LRRC4C: variants seen among roughly 807,000 people sequenced by gnomAD.
The protein encoded by LRRC4C is leucine-rich repeat-containing protein 4C.
In LRRC4C, 5 loss-of-function variants were observed where a neutral mutation model predicts 33.6. That is an observed-to-expected ratio of 0.15 (90% confidence interval 0.08 to 0.31). The LOEUF is 0.31. Among genes scored for constraint, LRRC4C ranks in the 10% least tolerant of loss-of-function variants. The pLI is 1.00. For synonymous variants in LRRC4C, 329 were observed against 302.0 expected (o/e 1.09, Z -0.93); for missense variants, 560 against 796.7 (o/e 0.70, Z 3.58).
At chr11:40,651,150 C>T (rs1040467380) in intron 2 of LRRC4C, among the ~76,000 whole-genome samples, 4 of 152,168 alleles carry the variant, frequency 2.6e-5, no homozygotes, top group Admixed American at 6.5e-5. Flanking sequence ...GCAGAGGTAT[C>T]CCCTTGCCAC....
chr11:40,744,129 A>G (rs2136928835), intron 2 of LRRC4C, among the ~76,000 whole-genome samples: 1 of 152,282 alleles, frequency 6.6e-6, no homozygotes, highest in African/African-American at 2.4e-5. Context: ...TATGGAAGGA[A>G]ACACAACAGA....
At chr11:40,832,699 C>T (rs1016508185) in intron 2 of LRRC4C, among the ~76,000 whole-genome samples, 1 of 152,024 alleles carries the variant, frequency 6.6e-6, no homozygotes, top group African/African-American at 2.4e-5. Flanking sequence ...TGATTGGATA[C>T]ATTTATTATT....
intron 3 of LRRC4C, among the ~76,000 whole-genome samples, chr11:40,418,982 TA>T (rs559011182): frequency 6.6e-5 from 10 of 151,988 alleles, no homozygotes; most frequent in South Asian, 4.2e-4. Context: ...GGTCGGGGGA[TA>T]GGGGGAGGGA....
At chr11:41,436,029 C>T (rs1427609006) in intron 1 of LRRC4C, among the ~76,000 whole-genome samples, 1 of 152,022 alleles carries the variant, frequency 6.6e-6, no homozygotes, top group Non-Finnish European at 1.5e-5. Context: ...TATGGTGAAA[C>T]CTTGTCTGTA....
chr11:40,518,515 T>C (rs1041264841), intron 3 of LRRC4C, among the ~76,000 whole-genome samples: 1 of 152,092 alleles, frequency 6.6e-6, no homozygotes, highest in Admixed American at 6.6e-5. Flanking sequence ...AGCTCATCAG[T>C]AGTCATTAGA....
intron 3 of LRRC4C, among the ~76,000 whole-genome samples, chr11:40,393,644 A>T (rs969288695): frequency 6.6e-6 from 1 of 152,174 alleles, no homozygotes; most frequent in Non-Finnish European, 1.5e-5. Flanking sequence ...AGCAACAAAA[A>T]CAACTCCCAA....
At chr11:40,888,165 G>GT (rs2136083321) in intron 2 of LRRC4C, among the ~76,000 whole-genome samples, 1 of 151,870 alleles carries the variant, frequency 6.6e-6, no homozygotes, top group South Asian at 2.1e-4. Context: ...CTGAAACATT[G>GT]TAAGTACATG....
rs540300625 is a variant in LRRC4C at position 41,012,043 on chromosome 11, A to G, written c.-495-78320T>C. Among the ~76,000 whole-genome samples the G allele has an allele frequency of 2.1e-4, 32 of 151,430 alleles. No individual in the cohort carries two copies. The South Asian group carries it at 6.7e-3, about 32-fold the overall frequency. On this transcript the variant is annotated intron_variant, in intron 1 of 6. Transcript: ENST00000528697. ...ATTTGTAAAGATCAGCGTTCTTGGG[A>G]TATCCATCATCATAAATATTCATAC...
At chr11:41,271,317 C>A (rs568815279) in intron 1 of LRRC4C, among the ~76,000 whole-genome samples, 1 of 152,184 alleles carries the variant, frequency 6.6e-6, no homozygotes, top group African/African-American at 2.4e-5. Flanking sequence ...TGAACAAAGC[C>A]ACAAGTCCTG....
chr11:40,982,436 ATAAAT>A (rs1163742756), intron 1 of LRRC4C, among the ~76,000 whole-genome samples: 6 of 152,148 alleles, frequency 3.9e-5, no homozygotes, highest in Non-Finnish European at 7.4e-5. Flanking sequence ...CCATTTGTTT[ATAAAT>A]TAAACAAACA....
intron 6 of LRRC4C, among the ~76,000 whole-genome samples, chr11:40,140,300 A>C (rs1857273390): frequency 6.6e-6 from 1 of 152,146 alleles, no homozygotes; most frequent in Non-Finnish European, 1.5e-5. Context: ...CCACTCATGG[A>C]AACAGTGCTA....
intron 3 of LRRC4C, among the ~76,000 whole-genome samples, chr11:40,479,369 G>A: frequency 6.6e-6 from 1 of 152,106 alleles, no homozygotes; most frequent in Non-Finnish European, 1.5e-5. Flanking sequence ...GGTCCATTTT[G>A]AGCTACCCAG....
At chr11:41,101,937 C>T (rs1374791017) in intron 1 of LRRC4C, among the ~76,000 whole-genome samples, 2 of 151,868 alleles carry the variant, frequency 1.3e-5, no homozygotes, top group African/African-American at 2.4e-5. Flanking sequence ...ATGATAAGAA[C>T]ACAATGACAC....
intron 5 of LRRC4C, among the ~76,000 whole-genome samples, chr11:40,150,142 C>T (rs1447907130): frequency 1.3e-5 from 2 of 152,164 alleles, no homozygotes; most frequent in Non-Finnish European, 2.9e-5. Context: ...TATGGCCCTT[C>T]TTCTCTTCTC....
intron 1 of LRRC4C, among the ~76,000 whole-genome samples, chr11:41,354,408 T>C (rs976573565): frequency 6.6e-6 from 1 of 152,106 alleles, no homozygotes; most frequent in African/African-American, 2.4e-5. Context: ...TCCATGCTCA[T>C]GGATAGGAAA....
At chr11:40,879,563 C>T (rs951855527) in intron 2 of LRRC4C, among the ~76,000 whole-genome samples, 1 of 152,112 alleles carries the variant, frequency 6.6e-6, no homozygotes, top group South Asian at 2.1e-4. Context: ...AGGAGACCTA[C>T]AAACAAGTAC....
chr11:40,537,470 A>C (rs1956523540), intron 3 of LRRC4C, among the ~76,000 whole-genome samples: 2 of 152,216 alleles, frequency 1.3e-5, no homozygotes, highest in African/African-American at 4.8e-5. Context: ...ATCCCAAATT[A>C]AATAGAGATT....
chr11:40,328,682 G>C (rs1946209901), intron 3 of LRRC4C, among the ~76,000 whole-genome samples: 1 of 152,200 alleles, frequency 6.6e-6, no homozygotes, highest in Admixed American at 6.5e-5. Flanking sequence ...AAGTACTTGA[G>C]TGGTATCACT....
intron 3 of LRRC4C, among the ~76,000 whole-genome samples, chr11:40,339,939 T>C (rs1946794367): frequency 6.6e-6 from 1 of 152,162 alleles, no homozygotes; most frequent in Non-Finnish European, 1.5e-5. Flanking sequence ...TACTTGGAAA[T>C]TTGGCATATG....
Sources: allele counts gnomAD v4.1 joint callset (sites outside exome capture counted in the v4.1 genomes callset), GRCh38; gene constraint gnomAD v4.1.1; transcripts MANE v1.5; gene names NCBI Gene and HGNC (gene_info 2026-07-23, HGNC 2026-07-21).